Variants in SGCG observed in about 807,000 individuals in gnomAD.
The protein encoded by SGCG is sarcoglycan gamma.
In SGCG, 26 loss-of-function variants were observed where a neutral mutation model predicts 29.3. The ratio of observed to expected loss-of-function variants is 0.89; its 90% CI spans 0.65 to 1.23. The LOEUF (loss-of-function observed/expected upper bound fraction) is 1.23, where lower values mean the gene tolerates loss of function less well. Among genes scored for constraint, SGCG ranks in the 50% most tolerant of loss-of-function variants. The pLI is 0.00. For synonymous variants in SGCG, 145 were observed against 129.7 expected (o/e 1.12, Z -0.80); for missense variants, 353 against 356.0 (o/e 0.99, Z 0.07).
chr13:23,319,911 G>C (rs34656784), intron 6 of SGCG, among the ~76,000 whole-genome samples: 57,064 of 151,954 alleles, frequency 0.38, 11,650 homozygotes, highest in Non-Finnish European at 0.45. Context: ...TCTATATTTG[G>C]CTTAACCACA....
chr13:23,210,168 G>A (rs896765395), intron 2 of SGCG, among the ~76,000 whole-genome samples: 4 of 151,920 alleles, frequency 2.6e-5, no homozygotes, highest in African/African-American at 2.4e-5. Flanking sequence ...ACTTCCTACT[G>A]GGAAATTATT....
chr13:23,220,863 A>T (rs1268050832), intron 2 of SGCG, among the ~76,000 whole-genome samples: 2 of 152,186 alleles, frequency 1.3e-5, no homozygotes, highest in East Asian at 3.8e-4. Context: ...TCAATCACTG[A>T]CTATTTTCAG....
At chr13:23,208,316 T>A (rs953648413) in intron 2 of SGCG, among the ~76,000 whole-genome samples, 1 of 152,152 alleles carries the variant, frequency 6.6e-6, no homozygotes, top group Non-Finnish European at 1.5e-5. Flanking sequence ...TTATTTTACA[T>A]GTACTGTCAT....
the SGCG span, among the ~76,000 whole-genome samples, chr13:23,166,295 A>G: frequency 6.6e-6 from 1 of 152,070 alleles, no homozygotes; most frequent in Non-Finnish European, 1.5e-5. Context: ...TCCCGAGTTC[A>G]AGTGGTTCTC....
At chr13:23,219,417 T>G (rs977843170) in intron 2 of SGCG, among the ~76,000 whole-genome samples, 6 of 152,204 alleles carry the variant, frequency 3.9e-5, no homozygotes, top group Non-Finnish European at 7.3e-5. Flanking sequence ...AATGTCTAAA[T>G]AGAGGTATTC....
intron 5 of SGCG, among the ~76,000 whole-genome samples, chr13:23,291,687 T>C (rs547316169): frequency 1.3e-5 from 2 of 152,336 alleles, no homozygotes; most frequent in South Asian, 4.1e-4. Flanking sequence ...CATATGTCAA[T>C]ATAATATCAC....
At chr13:23,260,774 G>A (rs772179061) in intron 4 of SGCG, among the ~76,000 whole-genome samples, 13 of 152,234 alleles carry the variant, frequency 8.5e-5, no homozygotes, top group South Asian at 6.2e-4. Flanking sequence ...TTGCTTATCT[G>A]TACAGGATTT....
intron 4 of SGCG, among the ~76,000 whole-genome samples, chr13:23,277,060 G>A (rs1461686579): frequency 6.6e-6 from 1 of 152,148 alleles, no homozygotes; most frequent in Non-Finnish European, 1.5e-5. Flanking sequence ...AACAGTTTAT[G>A]TGGATTTGCT....
intron 3 of SGCG, among the ~76,000 whole-genome samples, chr13:23,238,819 A>G (rs1265045336): frequency 4.6e-5 from 7 of 152,228 alleles, no homozygotes; most frequent in Non-Finnish European, 7.3e-5. Flanking sequence ...TAAAAAGCCA[A>G]TGGTGGGACT....
chr13:23,229,361 C>T (rs562009163), intron 2 of SGCG, among the ~76,000 whole-genome samples: 1 of 152,238 alleles, frequency 6.6e-6, no homozygotes, highest in East Asian at 1.9e-4. Flanking sequence ...TTTTTAGTTC[C>T]TTGTGGAGTT....
intron 1 of SGCG, among the ~76,000 whole-genome samples, chr13:23,195,303 G>C (rs1399606187): frequency 6.6e-6 from 1 of 152,186 alleles, no homozygotes; most frequent in Non-Finnish European, 1.5e-5. Context: ...AACCAGGACA[G>C]AGCAATGAGA....
intron 4 of SGCG, among the ~76,000 whole-genome samples, chr13:23,261,691 C>T (rs1880443873): frequency 6.6e-6 from 1 of 151,960 alleles, no homozygotes; most frequent in South Asian, 2.1e-4. Context: ...AGGACATCAC[C>T]AAGGCATATA....
At chr13:23,226,824 G>C (rs1008145596) in intron 2 of SGCG, among the ~76,000 whole-genome samples, 1 of 152,128 alleles carries the variant, frequency 6.6e-6, no homozygotes, top group Non-Finnish European at 1.5e-5. Context: ...TCTGGAAGGG[G>C]TGATGGTTGT....
chr13:23,235,938 GC>G (rs1879291415), intron 3 of SGCG, among the ~76,000 whole-genome samples: 2 of 152,178 alleles, frequency 1.3e-5, no homozygotes, highest in Admixed American at 1.3e-4. Context: ...GTTACCAATT[GC>G]AAAATGACAT....
intron 2 of SGCG, among the ~76,000 whole-genome samples, chr13:23,231,331 T>C (rs1263699992): frequency 4.8e-5 from 2 of 41,608 alleles, no homozygotes; most frequent in Non-Finnish European, 9.2e-5. Flanking sequence ...CTCTTTCTCT[T>C]TTTTTTTTTT....
chr13:23,232,558 G>A lies in SGCG; in HGVS notation c.196-2053G>A, dbSNP rs145125342. On this transcript the variant is annotated intron_variant, in intron 2 of 7. Coordinates refer to ENST00000218867, the MANE Select transcript of SGCG (RefSeq NM_000231.3). ...AAGACAGTGGGAGGCTGAAGTGAGC[G>A]GATCATGAGGTCAGGAGATCAAGAC... 9.7e-3 allele frequency among the ~76,000 whole-genome samples: 1,473 copies of A among 152,258 alleles called. 25 individuals are homozygous for A. The highest frequency in any genetic ancestry group is 0.033 in the African/African-American group (1,372 of 41,556).
intron 5 of SGCG, among the ~76,000 whole-genome samples, chr13:23,281,341 G>GTAATAATAATAA (rs57723057): frequency 6.8e-6 from 1 of 146,572 alleles, no homozygotes; most frequent in African/African-American, 2.6e-5. Context: ...CCGTGTCTCA[G>GTAATAATAATAA]TAATAATAAT....
chr13:23,279,787 G>C (rs567085637), intron 5 of SGCG, among the ~76,000 whole-genome samples: 24 of 145,070 alleles, frequency 1.7e-4, no homozygotes, highest in African/African-American at 5.9e-4. Context: ...GAGTGCAGTA[G>C]CACAATCTCG....
intron 2 of SGCG, among the ~76,000 whole-genome samples, chr13:23,209,274 CT>C (rs1295603616): frequency 3.9e-5 from 6 of 152,162 alleles, no homozygotes; most frequent in African/African-American, 1.4e-4. Context: ...TAGATCTATC[CT>C]TAACAAGGAT....
Sources: gnomAD v4.1 joint callset for allele counts (sites outside exome capture counted in the v4.1 genomes callset) on GRCh38, gnomAD v4.1.1 for gene constraint, MANE v1.5 for transcripts, NCBI Gene and HGNC (gene_info 2026-07-23, HGNC 2026-07-21) for gene names.